KIAA0825: variants seen among roughly 807,000 people sequenced by gnomAD.
KIAA0825 encodes the protein uncharacterized protein KIAA0825.
Under a neutral mutation model 147.6 loss-of-function variants are expected in KIAA0825, and 119 were observed. The ratio of observed to expected loss-of-function variants is 0.81; its 90% confidence interval spans 0.69 to 0.94. The LOEUF (loss-of-function observed/expected upper bound fraction) is 0.94. Among genes scored for constraint, KIAA0825 ranks in the 40% least tolerant of loss-of-function variants. The pLI, the probability that KIAA0825 is intolerant of heterozygous loss-of-function variation, is 0.00. For synonymous variants in KIAA0825, 470 were observed against 518.1 expected (o/e 0.91, Z 1.26); for missense variants, 1,381 against 1,472.7 (o/e 0.94, Z 1.02).
At chr5:94,545,225 C>T (rs746753901) in intron 2 of KIAA0825, among the ~76,000 whole-genome samples, 6 of 152,138 alleles carry the variant, frequency 3.9e-5, no homozygotes, top group East Asian at 1.9e-4. Flanking sequence ...TCTCTGCAAT[C>T]GTTGCCACCA....
chr5:94,265,892 G>A (rs907436314), intron 20 of KIAA0825, among the ~76,000 whole-genome samples: 1 of 152,090 alleles, frequency 6.6e-6, no homozygotes, highest in Non-Finnish European at 1.5e-5. Context: ...CAATTTTATT[G>A]AATCTTGATT....
intron 20 of KIAA0825, among the ~76,000 whole-genome samples, chr5:94,248,392 A>G (rs904367821): frequency 6.6e-6 from 1 of 152,052 alleles, no homozygotes. Flanking sequence ...AGGACCCCAT[A>G]ATTCATTGTA....
At chr5:94,406,162 T>C (rs1424427754) in intron 15 of KIAA0825, among the ~76,000 whole-genome samples, 1 of 152,104 alleles carries the variant, frequency 6.6e-6, no homozygotes, top group African/African-American at 2.4e-5. Flanking sequence ...CCTGACCTTG[T>C]GATCCACCCA....
intron 20 of KIAA0825, among the ~76,000 whole-genome samples, chr5:94,241,992 C>G (rs144625562): frequency 1.3e-5 from 2 of 152,262 alleles, no homozygotes; most frequent in African/African-American, 4.8e-5. Flanking sequence ...CTTTTTAAAG[C>G]AAATAACTCA....
chr5:94,460,324 T>C (rs1393450854), intron 12 of KIAA0825, among the ~76,000 whole-genome samples: 2 of 152,110 alleles, frequency 1.3e-5, no homozygotes, highest in Non-Finnish European at 2.9e-5. Flanking sequence ...CAGAAATCTA[T>C]AAAGGCGAGC....
chr5:94,386,427 G>A, intron 18 of KIAA0825, 23 bp from the exon 19 acceptor site: 1 of 1,531,840 alleles, frequency 6.5e-7, no homozygotes, highest in Non-Finnish European at 8.8e-7. Context: ...GAAATTACAA[G>A]TTGTGACGGT....
At chr5:94,592,703 C>T in intron 1 of KIAA0825, 1 of 289,432 alleles carries the variant, frequency 3.5e-6, no homozygotes, top group Non-Finnish European at 6.6e-6. Context: ...TCCTTTTATC[C>T]CTGTTTGTTG....
At chr5:94,225,909 C>T (rs183649591) in intron 20 of KIAA0825, among the ~76,000 whole-genome samples, 3 of 152,274 alleles carry the variant, frequency 2.0e-5, no homozygotes, top group African/African-American at 7.2e-5. Context: ...ACCATAAAAA[C>T]CCTAGAAGAA....
rs1029709538 is a variant in KIAA0825 at position 94,551,248 on chromosome 5, G to C, written c.-1-14121C>G. On this transcript the variant is annotated intron_variant, in intron 2 of 20. Transcript: ENST00000682413. ...TTAAATGTACTAATTTTCACATTAT[G>C]GGAGTTCCAGAAGGAAAAGAGAAGG... is the stretch of plus-strand genomic sequence containing the variant. Among the ~76,000 whole-genome samples the C allele has an allele frequency of 2.0e-5, 3 of 152,020 alleles. No individual in the cohort carries two copies. The East Asian group carries it at 5.8e-4, about 30-fold the overall frequency.
At chr5:94,291,751 A>T (rs1224398355) in intron 20 of KIAA0825, among the ~76,000 whole-genome samples, 2 of 152,174 alleles carry the variant, frequency 1.3e-5, no homozygotes, top group Non-Finnish European at 2.9e-5. Flanking sequence ...TGAGCATGGA[A>T]TGTTTTTCCA....
intron 20 of KIAA0825, among the ~76,000 whole-genome samples, chr5:94,384,063 A>G (rs949678915): frequency 9.9e-5 from 15 of 152,180 alleles, no homozygotes; most frequent in African/African-American, 3.6e-4. Context: ...TTAAATATAC[A>G]AAGTCAAAAA....
At chr5:94,195,355 A>T (rs1265022711) in intron 20 of KIAA0825, among the ~76,000 whole-genome samples, 1 of 152,210 alleles carries the variant, frequency 6.6e-6, no homozygotes, top group African/African-American at 2.4e-5. Context: ...ACAGAACACA[A>T]AAATGTAATA....
At chr5:94,589,825 T>A (rs1370862787) in intron 1 of KIAA0825, among the ~76,000 whole-genome samples, 1 of 150,230 alleles carries the variant, frequency 6.7e-6, no homozygotes, top group East Asian at 1.9e-4. Flanking sequence ...AATCTGTACT[T>A]TATCCTGTCT....
Position 94,476,766 on chromosome 5 carries a change from T to C in KIAA0825, c.1227+345A>G, listed in dbSNP as rs898947127. The stretch of plus-strand genomic sequence containing the variant: ...ATGGGGATCAAAAATATGAGGCCAG[T>C]TGAGATGATTGTTTCCTTTTCCTTT... On this transcript the variant is annotated intron_variant, in intron 7 of 20. Coordinates refer to ENST00000682413, the MANE Select transcript of KIAA0825 (RefSeq NM_001145678.3). 3.3e-5 allele frequency among the ~76,000 whole-genome samples: 5 copies of C among 152,276 alleles called. No individual in the cohort carries two copies. In the South Asian group the frequency reaches 1.0e-3, roughly 32 times the overall value.
chr5:94,528,063 T>C (rs1263732883), intron 3 of KIAA0825, among the ~76,000 whole-genome samples: 1 of 152,142 alleles, frequency 6.6e-6, no homozygotes, highest in Non-Finnish European at 1.5e-5. Flanking sequence ...ATGGCTAAAA[T>C]GGTGAGAAAT....
chr5:94,499,685 G>A (rs368088801), intron 5 of KIAA0825, among the ~76,000 whole-genome samples: 8 of 151,474 alleles, frequency 5.3e-5, no homozygotes, highest in African/African-American at 1.4e-4. Context: ...TAAGTCGTTT[G>A]GCTGGCTAGT....
At chr5:94,220,530 A>C (rs936852333) in intron 20 of KIAA0825, among the ~76,000 whole-genome samples, 3 of 152,208 alleles carry the variant, frequency 2.0e-5, no homozygotes, top group Non-Finnish European at 2.9e-5. Context: ...ATTTGTTTAT[A>C]CCAGCATCAA....
At chr5:94,565,502 T>C (rs1778552730) in intron 2 of KIAA0825, among the ~76,000 whole-genome samples, 1 of 151,756 alleles carries the variant, frequency 6.6e-6, no homozygotes, top group Non-Finnish European at 1.5e-5. Flanking sequence ...CCACCATATC[T>C]GGCTAATTTT....
At chr5:94,565,305 T>C (rs1295958906) in intron 2 of KIAA0825, among the ~76,000 whole-genome samples, 1 of 150,398 alleles carries the variant, frequency 6.6e-6, no homozygotes, top group Non-Finnish European at 1.5e-5. Flanking sequence ...TTCTAAAACA[T>C]AGGGAAAAAA....
Sources: allele counts gnomAD v4.1 joint callset (sites outside exome capture counted in the v4.1 genomes callset), GRCh38; gene constraint gnomAD v4.1.1; transcripts MANE v1.5; gene names NCBI Gene and HGNC (gene_info 2026-07-23, HGNC 2026-07-21).